PAPPA2: variants seen among roughly 807,000 people sequenced by gnomAD.
The protein encoded by PAPPA2 is pappalysin-2.
A neutral mutation model predicts 176.4 loss-of-function variants in PAPPA2; 86 were observed. The ratio of observed to expected loss-of-function variants is 0.49; its 90% CI spans 0.41 to 0.58. PAPPA2 has a LOEUF of 0.58. PAPPA2 is among the 20% of genes least tolerant of loss of function. The probability of loss-of-function intolerance (pLI) is 0.00; values close to 1 mark genes in which losing one functional copy is unlikely to be tolerated. For synonymous variants in PAPPA2, 809 were observed against 852.2 expected (o/e 0.95, Z 0.88); for missense variants, 2,073 against 2,256.9 (o/e 0.92, Z 1.65).
At chr1:176,826,315 T>C (rs1666862258) in intron 21 of PAPPA2, among the ~76,000 whole-genome samples, 1 of 152,142 alleles carries the variant, frequency 6.6e-6, no homozygotes, top group Admixed American at 6.5e-5. Flanking sequence ...GAAAAGGAGA[T>C]ATGCCAATGA....
At chr1:176,797,572 G>A (rs757287612) in intron 20 of PAPPA2, among the ~76,000 whole-genome samples, 3 of 152,032 alleles carry the variant, frequency 2.0e-5, no homozygotes, top group Admixed American at 6.6e-5. Flanking sequence ...ACTTGAGCCC[G>A]AGAGATTGAG....
chr1:176,619,767 A>G (rs1655480219), intron 3 of PAPPA2, among the ~76,000 whole-genome samples: 1 of 152,204 alleles, frequency 6.6e-6, no homozygotes, highest in South Asian at 2.1e-4. Flanking sequence ...GAACTTAAAT[A>G]TATCAAGTAA....
chr1:176,663,430 T>C (rs1396127820), intron 3 of PAPPA2, among the ~76,000 whole-genome samples: 1 of 152,134 alleles, frequency 6.6e-6, no homozygotes, highest in African/African-American at 2.4e-5. Context: ...TTTTGAACTT[T>C]GTTTCTGGCT....
chr1:176,479,861 CTTG>C (rs992931661), intron 1 of PAPPA2, among the ~76,000 whole-genome samples: 1 of 152,216 alleles, frequency 6.6e-6, no homozygotes, highest in Non-Finnish European at 1.5e-5. Context: ...ATTGACTGTC[CTTG>C]TTGTATTCCC....
intron 9 of PAPPA2, 23 bp downstream of exon 9, chr1:176,702,758 T>A: frequency 6.4e-7 from 1 of 1,563,572 alleles, no homozygotes; most frequent in South Asian, 1.1e-5. Flanking sequence ...TGTGTGTGTG[T>A]GTGTGTGTGT....
At chr1:176,671,257 C>A in intron 4 of PAPPA2, 142 bp downstream of exon 4, 1 of 1,119,090 alleles carries the variant, frequency 8.9e-7, no homozygotes, top group Non-Finnish European at 1.2e-6. Flanking sequence ...CTGAGAATGG[C>A]ACTTAGTAGA....
chr1:176,743,578 T>C (rs1662778920), intron 14 of PAPPA2, among the ~76,000 whole-genome samples: 1 of 152,164 alleles, frequency 6.6e-6, no homozygotes, highest in Non-Finnish European at 1.5e-5. Flanking sequence ...CATCCCAGGA[T>C]TGTGTTGATG....
intron 1 of PAPPA2, among the ~76,000 whole-genome samples, chr1:176,531,666 G>A (rs942367434): frequency 6.6e-6 from 1 of 152,126 alleles, no homozygotes; most frequent in African/African-American, 2.4e-5. Flanking sequence ...GACATGCTGA[G>A]GTCACTGTTG....
At chr1:176,552,858 T>A (rs1353173761) in intron 1 of PAPPA2, among the ~76,000 whole-genome samples, 4 of 152,168 alleles carry the variant, frequency 2.6e-5, no homozygotes, top group Non-Finnish European at 5.9e-5. Flanking sequence ...AAAAACCCTC[T>A]CCTTGGAGAT....
chr1:176,713,902 C>T (rs1344831945), intron 12 of PAPPA2, among the ~76,000 whole-genome samples: 2 of 152,150 alleles, frequency 1.3e-5, no homozygotes, highest in Non-Finnish European at 2.9e-5. Context: ...TTAGTTTTGA[C>T]TCTTATATTG....
intron 4 of PAPPA2, among the ~76,000 whole-genome samples, chr1:176,682,572 G>A (rs535157790): frequency 6.6e-6 from 1 of 152,190 alleles, no homozygotes; most frequent in African/African-American, 2.4e-5. Context: ...ACAATGTGTG[G>A]TGATCAGTTA....
intron 3 of PAPPA2, among the ~76,000 whole-genome samples, chr1:176,600,805 G>T (rs1654277608): frequency 6.6e-6 from 1 of 152,062 alleles, no homozygotes; most frequent in African/African-American, 2.4e-5. Context: ...CAGGCACAGA[G>T]TCTTTCCACT....
chr1:176,733,283 CT>C (rs1375057409), intron 12 of PAPPA2, among the ~76,000 whole-genome samples: 1 of 152,122 alleles, frequency 6.6e-6, no homozygotes, highest in African/African-American at 2.4e-5. Flanking sequence ...CTAAAATGAT[CT>C]TGTGCTTCAG....
At chr1:176,738,478 T>G (rs1662521414) in intron 12 of PAPPA2, among the ~76,000 whole-genome samples, 1 of 152,122 alleles carries the variant, frequency 6.6e-6, no homozygotes, top group Non-Finnish European at 1.5e-5. Context: ...AAAACATGTT[T>G]TACTCTCCTG....
Position 176,665,414 on chromosome 1 carries a change from C to T in PAPPA2, c.1992-5556C>T, listed in dbSNP as rs191756592. ...CCTATTTCTCTGGGGAAAAGCTGGCCTTAGAGAGTTGGCGCCTGATGCAAT... is the reference window on the plus strand; with the variant it reads ...CCTATTTCTCTGGGGAAAAGCTGGCTTTAGAGAGTTGGCGCCTGATGCAAT... On this transcript the variant is annotated intron_variant, in intron 3 of 22. Transcript: ENST00000367662. 3.2e-4 allele frequency among the ~76,000 whole-genome samples: 49 copies of T among 152,206 alleles called. 1 individual carries two copies. The Middle Eastern group carries it at 0.01, about 32-fold the overall frequency.
intron 19 of PAPPA2, 97 bp from the exon 20 acceptor site, chr1:176,793,463 C>A (rs1665275107): frequency 3.1e-6 from 3 of 980,534 alleles, no homozygotes; most frequent in Non-Finnish European, 3.2e-6. Context: ...ATGATGAAAG[C>A]AGTTGTTCTT....
chr1:176,817,253 A>G (rs1666442107), intron 21 of PAPPA2, among the ~76,000 whole-genome samples: 1 of 152,178 alleles, frequency 6.6e-6, no homozygotes, highest in African/African-American at 2.4e-5. Context: ...CCATGGGCAG[A>G]GAAAATACTA....
rs761395775 is a variant in PAPPA2 at position 176,594,708 on chromosome 1, A to G, written c.1104A>G (p.Ala368=). Residue 368 remains alanine, a synonymous_variant, in exon 3 of 23, where the codon GCA becomes GCG. Coordinates refer to ENST00000367662, the MANE Select transcript of PAPPA2 (RefSeq NM_020318.3). ...RYQPGTWTHV[A]ATYDGRHMAL... ...AACCAGGCACATGGACCCATGTGGC[A>G]GCCACTTACGATGGACGGCACATGG... is the stretch of plus-strand genomic sequence containing the variant. The G allele has an allele frequency of 2.5e-6, 4 of 1,614,260 alleles. No individual in the cohort carries two copies. Among genetic ancestry groups the G allele is most frequent in the Non-Finnish European group, 3.4e-6 (4 of 1,180,046 alleles).
chr1:176,483,764 C>T (rs1173465237), intron 1 of PAPPA2, among the ~76,000 whole-genome samples: 4 of 152,058 alleles, frequency 2.6e-5, no homozygotes, highest in East Asian at 3.9e-4. Flanking sequence ...CCACCACACC[C>T]AGCCTCAGAC....
Sources: allele counts gnomAD v4.1 joint callset (sites outside exome capture counted in the v4.1 genomes callset), GRCh38; gene constraint gnomAD v4.1.1; transcripts MANE v1.5; gene names NCBI Gene and HGNC (gene_info 2026-07-23, HGNC 2026-07-21).